NUP58: variants seen among roughly 807,000 people sequenced by gnomAD.
NUP58 encodes nucleoporin p58/p45.
NUP58 carries 17 observed loss-of-function variants against 70.1 expected under a neutral mutation model. The observed-to-expected ratio is 0.24, with a 90% CI of 0.17 to 0.36. NUP58 has a LOEUF of 0.36. Ranked by LOEUF, NUP58 falls within the 10% of genes least tolerant of loss-of-function variation. The pLI, the probability that NUP58 is intolerant of heterozygous loss-of-function variation, is 1.00. For synonymous variants in NUP58, 275 were observed against 257.6 expected (o/e 1.07, Z -0.65); for missense variants, 644 against 701.5 (o/e 0.92, Z 0.93).
At chr13:25,309,103 T>C (rs2030525297) in intron 2 of NUP58, 144 bp from the exon 3 acceptor site, 1 of 625,010 alleles carries the variant, frequency 1.6e-6, no homozygotes, top group East Asian at 3.1e-5. Flanking sequence ...GCGTGATTAG[T>C]GGCAGATACT....
At chr13:25,307,774 A>AT (rs750791640) in intron 1 of NUP58, 32 bp from the exon 2 acceptor site, 1 of 1,610,922 alleles carries the variant, frequency 6.2e-7, no homozygotes, top group Admixed American at 1.7e-5. Flanking sequence ...TGTGCATGTG[A>AT]TTTTTGTTTT....
Position 25,319,365 on chromosome 13 carries a change from T to G in NUP58, c.710+15T>G, listed in dbSNP as rs1227407881. ...ACAAGACCAGAGTAAGTTTACAAAT[T>G]TACCCTTAAGGCATTTTAATTGAAG... On this transcript the variant is annotated intron_variant, in intron 7 of 15. Transcript: ENST00000381736. The G allele has an allele frequency of 6.2e-7, 1 of 1,608,350 alleles. No individual in the cohort carries two copies. Among genetic ancestry groups the G allele is most frequent in the Non-Finnish European group, 8.5e-7 (1 of 1,175,140 alleles).
intron 13 of NUP58, chr13:25,335,373 G>C (rs1167914701): frequency 1.0e-6 from 1 of 985,030 alleles, no homozygotes. Context: ...TATTCTTTAG[G>C]GTCTTCCACC....
At chr13:25,343,947 A>C (rs751326280), downstream of NUP58, among the ~76,000 whole-genome samples, 24 of 151,846 alleles carry the variant, frequency 1.6e-4, no homozygotes, top group Non-Finnish European at 2.9e-4. Flanking sequence ...TCTGGAAATA[A>C]ATTGCTGAAA....
intron 13 of NUP58, chr13:25,331,759 A>G (rs2031614256): frequency 5.0e-6 from 7 of 1,404,942 alleles, no homozygotes; most frequent in Middle Eastern, 2.6e-4. Flanking sequence ...TTATACATCA[A>G]TTAGATATTG....
intron 12 of NUP58, among the ~76,000 whole-genome samples, chr13:25,328,806 T>A (rs1014129860): frequency 1.3e-5 from 2 of 152,222 alleles, no homozygotes; most frequent in African/African-American, 4.8e-5. Flanking sequence ...ATTAAACTCT[T>A]TAATCTTGGA....
chr13:25,329,982 C>T (rs2031546416), intron 12 of NUP58, among the ~76,000 whole-genome samples: 1 of 152,216 alleles, frequency 6.6e-6, no homozygotes, highest in African/African-American at 2.4e-5. Context: ...GCATGCACCA[C>T]CACACCTAGC....
chr13:25,334,510 T>A (rs2031716358), intron 13 of NUP58: 2 of 985,106 alleles, frequency 2.0e-6, no homozygotes, highest in African/African-American at 1.7e-5. Context: ...CTTAGTTTCT[T>A]GTGGTTTTGT....
chr13:25,333,996 CAGA>C, intron 13 of NUP58: 4 of 985,254 alleles, frequency 4.1e-6, no homozygotes, highest in Non-Finnish European at 4.8e-6. Flanking sequence ...GTATCTTTCT[CAGA>C]GGAGGAGGAA....
intron 13 of NUP58, chr13:25,334,035 CCTT>C (rs1336330861): frequency 2.6e-5 from 26 of 984,954 alleles, no homozygotes; most frequent in Non-Finnish European, 2.9e-5. Flanking sequence ...TCTTTGTCCT[CCTT>C]CAATTTTTTT....
At chr13:25,329,490 C>T (rs767312933) in intron 12 of NUP58, among the ~76,000 whole-genome samples, 12 of 152,058 alleles carry the variant, frequency 7.9e-5, no homozygotes, top group Non-Finnish European at 1.5e-4. Context: ...GTCAAATAAA[C>T]GTTGTAGACA....
At chr13:25,319,479 TC>T in intron 7 of NUP58, 129 bp downstream of exon 7, 2 of 724,872 alleles carry the variant, frequency 2.8e-6, no homozygotes, top group East Asian at 5.0e-5. Flanking sequence ...GTAATGGTAT[TC>T]GTTAAAAGTA....
chr13:25,309,711 T>C (rs2030556354), intron 3 of NUP58, among the ~76,000 whole-genome samples: 1 of 152,184 alleles, frequency 6.6e-6, no homozygotes, highest in African/African-American at 2.4e-5. Flanking sequence ...GACATAATAC[T>C]TTCTGTAGTG....
chr13:25,320,011 A>G (rs2137770620), intron 7 of NUP58, among the ~76,000 whole-genome samples: 1 of 152,218 alleles, frequency 6.6e-6, no homozygotes, highest in Non-Finnish European at 1.5e-5. Context: ...CTCATTAAAT[A>G]TTTATTATTC....
downstream of NUP58, among the ~76,000 whole-genome samples, chr13:25,346,315 C>G (rs78578190): frequency 0.036 from 5,526 of 152,160 alleles, 307 homozygotes; most frequent in African/African-American, 0.12. Context: ...TATCACCACT[C>G]AACTAGCAAG....
intron 1 of NUP58, chr13:25,303,199 A>T (rs1212505302): frequency 2.4e-6 from 1 of 422,672 alleles, no homozygotes; most frequent in Admixed American, 3.0e-5. Flanking sequence ...TTTAATCATT[A>T]CCCGCCATCG....
intron 13 of NUP58, 124 bp from the exon 14 acceptor site, chr13:25,336,812 A>T: frequency 1.6e-6 from 1 of 613,862 alleles, no homozygotes; most frequent in Non-Finnish European, 2.7e-6. Flanking sequence ...GTTTTAACAA[A>T]TGGAATCAGT....
At chr13:25,347,326 T>G (rs992732173), downstream of NUP58, among the ~76,000 whole-genome samples, 1 of 152,144 alleles carries the variant, frequency 6.6e-6, no homozygotes, top group Non-Finnish European at 1.5e-5. Context: ...GTTGCATACT[T>G]CTGCTCATAC....
chr13:25,325,119 A>G, intron 10 of NUP58, 51 bp downstream of exon 10: 1 of 1,272,416 alleles, frequency 7.9e-7, no homozygotes, highest in Non-Finnish European at 1.1e-6. Context: ...CAGAAAGCAG[A>G]ACAGTAATAA....
Sources: gnomAD v4.1 joint callset for allele counts (sites outside exome capture counted in the v4.1 genomes callset) on GRCh38, gnomAD v4.1.1 for gene constraint, MANE v1.5 for transcripts, NCBI Gene and HGNC (gene_info 2026-07-23, HGNC 2026-07-21) for gene names.